MYOM2: variants seen among roughly 807,000 people sequenced by gnomAD.
MYOM2 encodes the protein myomesin-2.
A neutral mutation model predicts 187.6 loss-of-function variants in MYOM2; 254 were observed. That is an observed-to-expected ratio of 1.35 (90% CI 1.22 to 1.50). The LOEUF (loss-of-function observed/expected upper bound fraction) is 1.50, where lower values mean the gene tolerates loss of function less well. Ranked by LOEUF, MYOM2 falls within the 40% of genes most tolerant of loss-of-function variation. The pLI is 0.00. For synonymous variants in MYOM2, 981 were observed against 753.8 expected, an observed-to-expected ratio of 1.30 and a Z score of -4.94; for missense variants, 2,796 against 1,924.0, an observed-to-expected ratio of 1.45 and a Z score of -8.48.
At chr8:2,055,595 G>T (rs1343507340) in intron 3 of MYOM2, among the ~76,000 whole-genome samples, 1 of 152,122 alleles carries the variant, frequency 6.6e-6, no homozygotes, top group Admixed American at 6.5e-5. Flanking sequence ...TAGATTTTAG[G>T]GTTCCTCCCA....
rs1279162469 is a variant in MYOM2, at chr8:2,069,610, C to G, written c.793+113C>G. 4 of 1,314,092 alleles carry G rather than the reference C, an allele frequency of 3.0e-6. No homozygotes were observed. The East Asian group carries it at 9.2e-5, about 30-fold the overall frequency. 81.4% of individuals were successfully genotyped at this position (1,314,092 alleles called of 1,614,324 possible). ...TCTTTTTTTTTTTTTGAGACGGAGTCTCACTCTGTCACCCAGGCTGGAGTG... is the reference window on the plus strand; with the variant it reads ...TCTTTTTTTTTTTTTGAGACGGAGTGTCACTCTGTCACCCAGGCTGGAGTG... On this transcript the variant is annotated intron_variant, in intron 8 of 36. Coordinates refer to ENST00000262113, the MANE Select transcript of MYOM2 (RefSeq NM_003970.4).
At position 2,073,344 on chromosome 8, in the gene MYOM2, C is replaced by A. The variant is rs746594641; in HGVS notation, c.964C>A (p.Leu322Met). The change falls in exon 10 of 37, where the codon CTG becomes ATG. Residue 322 changes from leucine to methionine, a missense_variant. Transcript: ENST00000262113. ...CCGTGTTAACGCTCTTTCAGACGTGCTGTTGAAAGAGTCCAAGTGGACGAA... is the reference window on the plus strand; with the variant it reads ...CCGTGTTAACGCTCTTTCAGACGTGATGTTGAAAGAGTCCAAGTGGACGAA... ...PRAEWYRDDVLLKESKWTKMF... is the reference protein window; with the variant it reads ...PRAEWYRDDVMLKESKWTKMF... 1.2e-6 allele frequency: 2 copies of A among 1,604,500 alleles called. No individual in the cohort carries two copies. The highest frequency in any genetic ancestry group is 2.7e-5 in the African/African-American group (2 of 74,562).
At position 2,143,387 on chromosome 8, in the gene MYOM2, C is replaced by T; in HGVS notation, c.4025-14C>T. 6.2e-7 allele frequency: 1 copy of T among 1,614,236 alleles called. No homozygotes were observed. ...CGCAGATGTTTTCCTAACCAAGGTGCTTTCCCGTTGCAGATCGTGGCAGGT... is the reference window on the plus strand; with the variant it reads ...CGCAGATGTTTTCCTAACCAAGGTGTTTTCCCGTTGCAGATCGTGGCAGGT... On this transcript the variant is annotated splice_polypyrimidine_tract_variant and intron_variant, in intron 35 of 36. Coordinates refer to ENST00000262113, the MANE Select transcript of MYOM2 (RefSeq NM_003970.4).
intron 5 of MYOM2, among the ~76,000 whole-genome samples, chr8:2,058,177 C>T (rs3779860): frequency 0.023 from 3,427 of 151,980 alleles, 124 homozygotes; most frequent in East Asian, 0.092. Context: ...CGCCACCACG[C>T]CTGGCTAATT....
chr8:2,126,675 C>G (rs1797650832), intron 31 of MYOM2, among the ~76,000 whole-genome samples: 5 of 143,790 alleles, frequency 3.5e-5, no homozygotes, highest in Admixed American at 2.8e-4. Flanking sequence ...CTGATGGAGG[C>G]TGGGGGAGCA....
At chr8:2,143,681 C>A (rs1798358091) in intron 36 of MYOM2, among the ~76,000 whole-genome samples, 1 of 152,158 alleles carries the variant, frequency 6.6e-6, no homozygotes, top group Non-Finnish European at 1.5e-5. Context: ...AATCCACAAA[C>A]CTGTGTTCAG....
At chr8:2,103,014 G>A (rs1403399009) in intron 21 of MYOM2, among the ~76,000 whole-genome samples, 1 of 152,030 alleles carries the variant, frequency 6.6e-6, no homozygotes, top group Non-Finnish European at 1.5e-5. Context: ...CATGGATTAT[G>A]TGTTTATGCA....
chr8:2,086,362 C>T (rs1234051910), intron 14 of MYOM2, among the ~76,000 whole-genome samples: 4 of 59,328 alleles, frequency 6.7e-5, no homozygotes, highest in Admixed American at 1.6e-4. Flanking sequence ...GCGTGGCCTC[C>T]CACTGTTGTG....
At chr8:2,048,384 C>T (rs1230409602) in intron 1 of MYOM2, among the ~76,000 whole-genome samples, 1 of 152,230 alleles carries the variant, frequency 6.6e-6, no homozygotes, top group East Asian at 1.9e-4. Flanking sequence ...GAGCAGGAAG[C>T]GTTTCTTGAA....
intron 6 of MYOM2, among the ~76,000 whole-genome samples, chr8:2,066,761 A>G (rs921388240): frequency 6.6e-6 from 1 of 152,216 alleles, no homozygotes; most frequent in African/African-American, 2.4e-5. Context: ...GTTAATGCTT[A>G]GCATTGGAGA....
chr8:2,108,666 T>C (rs1796969926), intron 23 of MYOM2, 120 bp from the exon 24 acceptor site: 1 of 944,034 alleles, frequency 1.1e-6, no homozygotes, highest in Non-Finnish European at 1.7e-6. Context: ...TAAATTCCTT[T>C]CGTGTCCTCC....
intron 2 of MYOM2, among the ~76,000 whole-genome samples, chr8:2,051,953 T>C (rs1171574630): frequency 3.9e-5 from 6 of 152,228 alleles, no homozygotes; most frequent in Non-Finnish European, 5.9e-5. Context: ...GCATGTATTG[T>C]ATGTGCATAT....
chr8:2,114,639 C>A (rs1234050172), intron 25 of MYOM2, among the ~76,000 whole-genome samples: 1 of 152,014 alleles, frequency 6.6e-6, no homozygotes, highest in East Asian at 1.9e-4. Flanking sequence ...CTGGCTAATT[C>A]TTGTATTTTT....
intron 35 of MYOM2, 121 bp from the exon 36 acceptor site, chr8:2,143,280 T>G (rs1217961266): frequency 3.6e-6 from 4 of 1,117,192 alleles, no homozygotes; most frequent in Non-Finnish European, 5.4e-6. Context: ...TGATGCTCGC[T>G]CTCTCCTGAG....
chr8:2,104,562 G>A (rs1164128275), intron 21 of MYOM2, among the ~76,000 whole-genome samples: 2 of 151,490 alleles, frequency 1.3e-5, no homozygotes, highest in Non-Finnish European at 2.9e-5. Flanking sequence ...CCGAGATCGC[G>A]CCACTGCACT....
chr8:2,109,658 G>A, intron 25 of MYOM2, 127 bp downstream of exon 25: 2 of 1,057,422 alleles, frequency 1.9e-6, no homozygotes, highest in Non-Finnish European at 2.6e-6. Flanking sequence ...ATTGGGGCAT[G>A]GAAGGTTGAC....
At chr8:2,093,494 T>C (rs1434680022) in intron 16 of MYOM2, among the ~76,000 whole-genome samples, 3 of 152,076 alleles carry the variant, frequency 2.0e-5, no homozygotes, top group African/African-American at 4.8e-5. Flanking sequence ...ATCTTACAAA[T>C]AGAAAAACAA....
intron 9 of MYOM2, among the ~76,000 whole-genome samples, chr8:2,073,004 G>A (rs1047066957): frequency 2.0e-5 from 3 of 152,192 alleles, no homozygotes; most frequent in African/African-American, 7.2e-5. Context: ...CCACGGGCGG[G>A]GGGAAGCCGG....
intron 6 of MYOM2, among the ~76,000 whole-genome samples, chr8:2,068,992 C>G (rs537920484): frequency 1.3e-4 from 20 of 152,338 alleles, no homozygotes; most frequent in African/African-American, 4.6e-4. Context: ...ATAGAGACTT[C>G]TCCTTGAGAA....
Sources: allele counts gnomAD v4.1 joint callset (sites outside exome capture counted in the v4.1 genomes callset), GRCh38; gene constraint gnomAD v4.1.1; transcripts MANE v1.5; gene names NCBI Gene and HGNC (gene_info 2026-07-23, HGNC 2026-07-21).